Variants in KYNU observed in about 807,000 individuals in gnomAD.
KYNU encodes the protein kynureninase.
In KYNU, 54 loss-of-function variants were observed where a neutral mutation model predicts 59.2. The observed-to-expected ratio is 0.91, with a 90% CI of 0.73 to 1.14. The LOEUF (loss-of-function observed/expected upper bound fraction) is 1.14. Ranked by LOEUF, KYNU falls within the 50% of genes most tolerant of loss-of-function variation. The pLI, the probability that KYNU is intolerant of heterozygous loss-of-function variation, is 0.00. For synonymous variants in KYNU, 177 were observed against 192.0 expected, an observed-to-expected ratio of 0.92 and a Z score of 0.65; for missense variants, 567 against 554.4, an observed-to-expected ratio of 1.02 and a Z score of -0.23.
At position 142,918,701 on chromosome 2, in the gene KYNU, G is replaced by C. The variant is rs1386001668; in HGVS notation, c.262G>C (p.Glu88Gln). ...ACCAAAAATGGTTAAAACATATCTT[G>C]AAGAAGAACTAGATAAGTGGGCCAA... ...LQPKMVKTYL[E>Q]EELDKWAKIA... Residue 88 changes from glutamate to glutamine, a missense_variant, in exon 3 of 14, where the codon GAA becomes CAA. Physicochemically the swap from Glu to Gln is conservative, Grantham distance 29 (BLOSUM62 2). Coordinates refer to ENST00000264170, the MANE Select transcript of KYNU (RefSeq NM_003937.3). 1.2e-6 allele frequency: 2 copies of C among 1,610,890 alleles called. No individual in the cohort carries two copies. The highest frequency in any genetic ancestry group is 3.4e-5 in the Admixed American group (2 of 59,700).
Position 143,055,657 on chromosome 2 carries a change from AGG to A in KYNU, c.*13486_*13487del, listed in dbSNP as rs1687341019. ...CAGGAAGGAAGGAAGGAAGGAAGGA[AGG>A]AAGGAAGGAAGGAAGGAAGGAAGGA... On this transcript the variant is annotated 3_prime_UTR_variant, in exon 14 of 14. Coordinates refer to ENST00000264170, the MANE Select transcript of KYNU (RefSeq NM_003937.3). The A allele has an allele frequency of 6.6e-6, 1 of 151,970 alleles. No individual in the cohort carries two copies. Among genetic ancestry groups the A allele is most frequent in the Non-Finnish European group, 1.5e-5 (1 of 67,948 alleles). The allele number at this position is 151,970 out of a possible 1,614,324, so 9.4% of individuals were successfully genotyped here. A position where few individuals can be genotyped will look rare whatever the true frequency, so the allele number is the denominator to read the frequency against.
intron 10 of KYNU, among the ~76,000 whole-genome samples, chr2:143,019,492 C>T (rs1686348451): frequency 6.6e-6 from 1 of 152,104 alleles, no homozygotes; most frequent in Admixed American, 6.5e-5. Flanking sequence ...CCTTTCATCC[C>T]TGGGATAAAT....
At chr2:142,951,099 A>T (rs1254028868) in intron 4 of KYNU, among the ~76,000 whole-genome samples, 1 of 152,244 alleles carries the variant, frequency 6.6e-6, no homozygotes, top group East Asian at 1.9e-4. Flanking sequence ...AACATCAAAG[A>T]TCATTGATCA....
intron 2 of KYNU, among the ~76,000 whole-genome samples, chr2:142,902,024 T>C (rs1469728603): frequency 6.6e-6 from 1 of 152,164 alleles, no homozygotes; most frequent in Admixed American, 6.5e-5. Flanking sequence ...GCCCTTTAAT[T>C]AATAGAGCCT....
intron 8 of KYNU, among the ~76,000 whole-genome samples, chr2:142,976,327 A>AC (rs1558954816): frequency 6.6e-6 from 1 of 152,150 alleles, no homozygotes; most frequent in Admixed American, 6.6e-5. Context: ...TTGCTTACTT[A>AC]TCAAGGCTCC....
intron 3 of KYNU, among the ~76,000 whole-genome samples, chr2:142,919,228 G>A (rs908448379): frequency 6.6e-6 from 1 of 152,184 alleles, no homozygotes; most frequent in South Asian, 2.1e-4. Flanking sequence ...AGAATAAGGT[G>A]ACATAGCAAG....
intron 10 of KYNU, among the ~76,000 whole-genome samples, chr2:143,011,832 A>G (rs1397623098): frequency 7.5e-6 from 1 of 133,002 alleles, no homozygotes; most frequent in Non-Finnish European, 1.6e-5. Context: ...CAAACACCGC[A>G]TATTCTCACT....
intron 2 of KYNU, among the ~76,000 whole-genome samples, chr2:142,907,822 G>A (rs1429407936): frequency 1.3e-5 from 2 of 152,170 alleles, no homozygotes; most frequent in African/African-American, 2.4e-5. Context: ...TGTGTTTAAA[G>A]GTGGGTGTGG....
At chr2:143,021,159 A>T (rs1460314543) in intron 10 of KYNU, among the ~76,000 whole-genome samples, 3 of 151,970 alleles carry the variant, frequency 2.0e-5, no homozygotes, top group African/African-American at 7.3e-5. Flanking sequence ...ATCTATATGT[A>T]CTCTTGTACT....
intron 1 of KYNU, 92 bp from the exon 2 acceptor site, chr2:142,885,257 T>C (rs1234595433): frequency 2.1e-6 from 2 of 958,346 alleles, no homozygotes; most frequent in African/African-American, 3.3e-5. Context: ...GAAAAGGGAG[T>C]CTTAGTGAAA....
chr2:142,944,064 C>T (rs1211156232), intron 4 of KYNU, among the ~76,000 whole-genome samples: 1 of 152,190 alleles, frequency 6.6e-6, no homozygotes, highest in Non-Finnish European at 1.5e-5. Flanking sequence ...GATCCTCAGT[C>T]TCAAGTCAAA....
At chr2:142,893,268 T>A (rs1681768960) in intron 2 of KYNU, among the ~76,000 whole-genome samples, 1 of 151,970 alleles carries the variant, frequency 6.6e-6, no homozygotes, top group African/African-American at 2.4e-5. Context: ...TTCTAGGCAT[T>A]GACAAAGAAA....
chr2:142,965,380 C>G (rs1334199278), intron 8 of KYNU, among the ~76,000 whole-genome samples: 1 of 152,116 alleles, frequency 6.6e-6, no homozygotes, highest in Admixed American at 6.6e-5. Flanking sequence ...TTTTCAGCTA[C>G]AAGAAACAAA....
chr2:142,988,798 T>G, intron 10 of KYNU: 2 of 1,332,584 alleles, frequency 1.5e-6, no homozygotes, highest in Non-Finnish European at 2.2e-6. Context: ...TAGCCTTGGC[T>G]CTCTATTCTG....
chr2:142,885,076 G>C (rs1166664548), intron 1 of KYNU, among the ~76,000 whole-genome samples: 2 of 118,632 alleles, frequency 1.7e-5, no homozygotes, highest in African/African-American at 6.4e-5. Flanking sequence ...TGTTGGCCAG[G>C]CTGGTCTCAA....
intron 4 of KYNU, among the ~76,000 whole-genome samples, chr2:142,946,870 G>A (rs112549986): frequency 0.032 from 4,826 of 152,250 alleles, 121 homozygotes; most frequent in Middle Eastern, 0.082. Flanking sequence ...CTGAAAATCC[G>A]TTGTTTAGTG....
intron 2 of KYNU, among the ~76,000 whole-genome samples, chr2:142,910,239 C>T (rs1326336511): frequency 1.4e-5 from 2 of 147,970 alleles, no homozygotes; most frequent in African/African-American, 2.5e-5. Context: ...CAGGTTCAAG[C>T]GATTCTCTTG....
At chr2:142,929,007 C>CAAAAAAAAAAAA (rs761809423) in intron 4 of KYNU, among the ~76,000 whole-genome samples, 4 of 48,440 alleles carry the variant, frequency 8.3e-5, no homozygotes, top group Non-Finnish European at 1.4e-4. Context: ...CACCCTGTCT[C>CAAAAAAAAAAAA]AAAAAAAAAA....
chr2:142,891,208 A>G (rs1171574096), intron 2 of KYNU, among the ~76,000 whole-genome samples: 1 of 152,204 alleles, frequency 6.6e-6, no homozygotes, highest in Non-Finnish European at 1.5e-5. Context: ...CAATTTAATA[A>G]TTTTTAGTAA....
Sources: gnomAD v4.1 joint callset for allele counts (sites outside exome capture counted in the v4.1 genomes callset) on GRCh38, gnomAD v4.1.1 for gene constraint, MANE v1.5 for transcripts, NCBI Gene and HGNC (gene_info 2026-07-23, HGNC 2026-07-21) for gene names.